Variants in TBC1D1 observed in about 807,000 individuals in gnomAD.
TBC1D1 encodes TBC1 domain family member 1.
TBC1D1 carries 89 observed loss-of-function variants against 125.6 expected under a neutral mutation model. The observed-to-expected ratio is 0.71, with a 90% confidence interval of 0.60 to 0.85. TBC1D1 has a LOEUF of 0.85. Among genes scored for constraint, TBC1D1 ranks in the 40% least tolerant of loss-of-function variants. The pLI, the probability that TBC1D1 is intolerant of heterozygous loss-of-function variation, is 0.00. For synonymous variants in TBC1D1, 565 were observed against 564.1 expected, an observed-to-expected ratio of 1.00 and a Z score of -0.02; for missense variants, 1,377 against 1,469.2, an observed-to-expected ratio of 0.94 and a Z score of 1.03.
chr4:37,981,633 T>C (rs1328289276), intron 2 of TBC1D1, among the ~76,000 whole-genome samples: 1 of 152,232 alleles, frequency 6.6e-6, no homozygotes, highest in East Asian at 1.9e-4. Context: ...GGAAACATGC[T>C]CCAGGCAGGC....
chr4:38,018,298 A>C, intron 3 of TBC1D1, 56 bp from the exon 4 acceptor site: 1 of 1,259,076 alleles, frequency 7.9e-7, no homozygotes, highest in South Asian at 1.3e-5. Context: ...CTTTATTTTC[A>C]TAGGTCATGA....
At chr4:38,028,976 C>G (rs1254737376) in intron 7 of TBC1D1, among the ~76,000 whole-genome samples, 1 of 152,134 alleles carries the variant, frequency 6.6e-6, no homozygotes, top group East Asian at 1.9e-4. Flanking sequence ...AGCTCATCAG[C>G]TTTCTGCAAT....
chr4:38,049,570 C>A, intron 10 of TBC1D1, 48 bp from the exon 11 acceptor site: 7 of 1,534,866 alleles, frequency 4.6e-6, no homozygotes, highest in South Asian at 1.3e-5. Context: ...TTTATAAATC[C>A]CACATATTCC....
chr4:38,064,813 C>T (rs1024840053), intron 12 of TBC1D1, among the ~76,000 whole-genome samples: 1 of 151,394 alleles, frequency 6.6e-6, no homozygotes, highest in East Asian at 2.0e-4. Context: ...TTAGTAGAGA[C>T]GGGGTTTCAC....
intron 15 of TBC1D1, among the ~76,000 whole-genome samples, chr4:38,114,637 C>T (rs1762667572): frequency 6.6e-6 from 1 of 152,198 alleles, no homozygotes; most frequent in Non-Finnish European, 1.5e-5. Context: ...GAAACAGGCA[C>T]TCCCATCAGT....
chr4:38,033,488 C>T (rs1319977875), intron 7 of TBC1D1, among the ~76,000 whole-genome samples: 2 of 151,928 alleles, frequency 1.3e-5, no homozygotes, highest in Non-Finnish European at 2.9e-5. Context: ...ACAGTTTCTC[C>T]GATTTTTAAC....
intron 2 of TBC1D1, among the ~76,000 whole-genome samples, chr4:37,971,424 G>T (rs1034722774): frequency 6.6e-6 from 1 of 152,012 alleles, no homozygotes; most frequent in East Asian, 1.9e-4. Flanking sequence ...ATTGAGAGCC[G>T]AACAAAAAGG....
intron 8 of TBC1D1, among the ~76,000 whole-genome samples, chr4:38,040,757 G>A (rs761823464): frequency 2.6e-5 from 4 of 152,090 alleles, no homozygotes; most frequent in African/African-American, 7.2e-5. Context: ...AGGCTGCCTC[G>A]AGCCTGGACA....
At position 38,115,965 on chromosome 4, in the gene TBC1D1, T is replaced by C; in HGVS notation, c.2802+11T>C. 6.2e-7 allele frequency: 1 copy of C among 1,611,578 alleles called. No individual in the cohort carries two copies. Among genetic ancestry groups the C allele is most frequent in the African/African-American group, 1.3e-5 (1 of 74,868 alleles). ...ATGATTATTTTACAGGTATAGAGTG[T>C]TCCTTATGTCTTTAATACAACAAAA... is the stretch of plus-strand genomic sequence containing the variant. On this transcript the variant is annotated intron_variant, in intron 16 of 19. Transcript: ENST00000261439.
intron 2 of TBC1D1, among the ~76,000 whole-genome samples, chr4:37,969,318 A>G (rs768930291): frequency 7.9e-5 from 12 of 152,274 alleles, no homozygotes; most frequent in Non-Finnish European, 1.3e-4. Context: ...CTGTGCATCT[A>G]CTATAGGCCA....
chr4:38,069,895 A>G lies in TBC1D1; in HGVS notation c.2050+15557A>G, dbSNP rs1754412744. ...GTTTTGTTTTGTTTTTTTACAGCTC[A>G]TCAGCTATTGTTAGTGTATTTTATG... is the stretch of plus-strand genomic sequence containing the variant. On this transcript the variant is annotated intron_variant, in intron 12 of 19. Transcript: ENST00000261439. Among the ~76,000 whole-genome samples, 7 of 152,044 alleles carry G rather than the reference A, an allele frequency of 4.6e-5. No homozygotes were observed. In the South Asian group the frequency reaches 1.5e-3, roughly 32 times the overall value.
intron 6 of TBC1D1, among the ~76,000 whole-genome samples, chr4:38,026,961 G>C (rs1006169357): frequency 2.0e-4 from 31 of 152,234 alleles, no homozygotes; most frequent in Admixed American, 1.8e-3. Flanking sequence ...TGGTATGCAA[G>C]AGAAATGTGG....
intron 2 of TBC1D1, among the ~76,000 whole-genome samples, chr4:37,989,148 T>C (rs1317606529): frequency 6.6e-6 from 1 of 152,084 alleles, no homozygotes; most frequent in Non-Finnish European, 1.5e-5. Flanking sequence ...TAACTAAGAG[T>C]CTGGCACATT....
intron 2 of TBC1D1, among the ~76,000 whole-genome samples, chr4:38,005,843 C>T (rs1740043389): frequency 6.6e-6 from 1 of 152,186 alleles, no homozygotes; most frequent in South Asian, 2.1e-4. Context: ...CCACTGCTGC[C>T]ATGCCAGGGG....
chr4:37,954,142 G>A (rs1728441552), intron 2 of TBC1D1, among the ~76,000 whole-genome samples: 1 of 152,286 alleles, frequency 6.6e-6, no homozygotes, highest in South Asian at 2.1e-4. Context: ...CTAGCATGTT[G>A]ACTTTGGCCT....
chr4:38,044,302 C>T, intron 8 of TBC1D1, 60 bp from the exon 9 acceptor site: 2 of 1,540,558 alleles, frequency 1.3e-6, no homozygotes, highest in Non-Finnish European at 8.7e-7. Context: ...AGAGATTTTT[C>T]ATTCCTTTAA....
intron 8 of TBC1D1, among the ~76,000 whole-genome samples, chr4:38,039,217 A>G (rs1747870478): frequency 7.6e-6 from 1 of 131,362 alleles, no homozygotes; most frequent in Admixed American, 9.6e-5. Flanking sequence ...TCCCAAGTTC[A>G]CGCCATTCTC....
At chr4:37,891,584 T>C (rs551128697) in intron 1 of TBC1D1, among the ~76,000 whole-genome samples, 98 of 120,538 alleles carry the variant, frequency 8.1e-4, no homozygotes, top group Non-Finnish European at 1.4e-3. Flanking sequence ...TTAATGTTGC[T>C]AGCGACCCGA....
chr4:38,072,455 A>T (rs1754866710), intron 12 of TBC1D1, among the ~76,000 whole-genome samples: 1 of 152,332 alleles, frequency 6.6e-6, no homozygotes, highest in South Asian at 2.1e-4. Flanking sequence ...AATAAAATGA[A>T]ACTCAGTGCT....
Sources: gnomAD v4.1 joint callset for allele counts (sites outside exome capture counted in the v4.1 genomes callset) on GRCh38, gnomAD v4.1.1 for gene constraint, MANE v1.5 for transcripts, NCBI Gene and HGNC (gene_info 2026-07-23, HGNC 2026-07-21) for gene names.